Variants in PRKG1 observed in about 807,000 individuals in gnomAD.
The protein encoded by PRKG1 is cGMP-dependent protein kinase 1.
Under a neutral mutation model 88.1 loss-of-function variants are expected in PRKG1, and 35 were observed. The observed-to-expected ratio is 0.40, with a 90% CI of 0.30 to 0.53. The LOEUF (loss-of-function observed/expected upper bound fraction) is 0.53, where lower values mean the gene tolerates loss of function less well. Among genes scored for constraint, PRKG1 ranks in the 20% least tolerant of loss-of-function variants. The pLI, the probability that PRKG1 is intolerant of heterozygous loss-of-function variation, is 0.59. For missense variants in PRKG1, 540 were observed against 839.8 expected (o/e 0.64, Z 4.41); for synonymous variants, 303 against 292.5 (o/e 1.04, Z -0.37).
chr10:51,836,765 C>T (rs1840141782), intron 4 of PRKG1, among the ~76,000 whole-genome samples: 1 of 152,182 alleles, frequency 6.6e-6, no homozygotes, highest in South Asian at 2.1e-4. Flanking sequence ...AGATATTTAT[C>T]AAAAGAAGAA....
rs192714592 is a variant in PRKG1, at chr10:51,341,422, T to C, written c.479-126301T>C. Reference sequence around the variant, plus strand: ...GAGAAGTAAAGCCTGTTGTTGGGACTGTTGTTTAAATATCCTTTTCTTCTG... The same window carrying C: ...GAGAAGTAAAGCCTGTTGTTGGGACCGTTGTTTAAATATCCTTTTCTTCTG... On this transcript the variant is annotated intron_variant, in intron 2 of 17. Transcript: ENST00000373980. Among the ~76,000 whole-genome samples the C allele has an allele frequency of 1.4e-3, 217 of 152,300 alleles. 2 individuals carry two copies. The highest frequency in any genetic ancestry group is 5.0e-3 in the African/African-American group (208 of 41,562).
intron 2 of PRKG1, among the ~76,000 whole-genome samples, chr10:51,253,223 A>G (rs1477823645): frequency 6.6e-6 from 1 of 151,908 alleles, no homozygotes; most frequent in Non-Finnish European, 1.5e-5. Context: ...AGGCAAATCA[A>G]TCATTTCAGA....
At chr10:51,775,574 T>C (rs771623917) in intron 3 of PRKG1, among the ~76,000 whole-genome samples, 41 of 151,542 alleles carry the variant, frequency 2.7e-4, no homozygotes, top group Admixed American at 6.6e-5. Context: ...TTAATTATTA[T>C]TATTATTATT....
chr10:51,342,389 A>T (rs1842022153), intron 2 of PRKG1, among the ~76,000 whole-genome samples: 1 of 152,206 alleles, frequency 6.6e-6, no homozygotes, highest in African/African-American at 2.4e-5. Flanking sequence ...CTCCTTATAC[A>T]GAGAAATACC....
At chr10:51,187,014 T>C (rs893106853) in intron 2 of PRKG1, among the ~76,000 whole-genome samples, 1 of 148,242 alleles carries the variant, frequency 6.7e-6, no homozygotes, top group Non-Finnish European at 1.5e-5. Context: ...TTCCTTTTGC[T>C]TCCTTTTGGA....
At chr10:51,224,146 A>G (rs892121759) in intron 2 of PRKG1, among the ~76,000 whole-genome samples, 2 of 152,234 alleles carry the variant, frequency 1.3e-5, no homozygotes, top group African/African-American at 4.8e-5. Context: ...TAAGCCTGCC[A>G]TTGCCTTCAT....
At chr10:52,128,368 A>C in intron 7 of PRKG1, 1 of 985,380 alleles carries the variant, frequency 1.0e-6, no homozygotes, top group Non-Finnish European at 1.2e-6. Context: ...TGTTCCCCTG[A>C]GGTATCAATG....
chr10:52,283,515 GAC>G (rs539077908), intron 14 of PRKG1, among the ~76,000 whole-genome samples: 3 of 152,100 alleles, frequency 2.0e-5, no homozygotes, highest in Non-Finnish European at 4.4e-5. Flanking sequence ...CTACAACAAC[GAC>G]AGTCATTGCC....
rs375186543 is a variant in PRKG1, at chr10:52,186,008, G to A, written c.1076+24045G>A. Among the ~76,000 whole-genome samples, 9 of 143,854 alleles carry A rather than the reference G, an allele frequency of 6.3e-5. No individual in the cohort carries two copies. In the East Asian group the frequency reaches 1.2e-3, roughly 19 times the overall value. The allele number at this position is 143,854 out of a possible 152,430, so 94.4% of individuals were successfully genotyped here. ...TCCCAAAGGTCTCTGAAATGCCTTC[G>A]AGGCCTTTTGCCCATTTTTAAATAC... On this transcript the variant is annotated intron_variant, in intron 9 of 17. Transcript: ENST00000373980.
chr10:51,056,907 C>A (rs1843632107), intron 1 of PRKG1, among the ~76,000 whole-genome samples: 1 of 152,172 alleles, frequency 6.6e-6, no homozygotes, highest in Non-Finnish European at 1.5e-5. Context: ...TCCACCTATT[C>A]ACATCCTACT....
intron 3 of PRKG1, among the ~76,000 whole-genome samples, chr10:51,765,881 G>C (rs1056856536): frequency 4.0e-5 from 6 of 150,148 alleles, no homozygotes; most frequent in Admixed American, 1.3e-4. Context: ...AATATCACAG[G>C]CAGGCTGGCT....
chr10:51,157,280 C>G (rs532861335), intron 2 of PRKG1, among the ~76,000 whole-genome samples: 2 of 151,720 alleles, frequency 1.3e-5, no homozygotes, highest in African/African-American at 4.8e-5. Context: ...GTAGAAGTTT[C>G]GATTTCAAGT....
intron 5 of PRKG1, among the ~76,000 whole-genome samples, chr10:52,050,695 G>A (rs563257505): frequency 2.2e-4 from 33 of 152,206 alleles, no homozygotes; most frequent in Non-Finnish European, 4.1e-4. Flanking sequence ...ACATATGTTC[G>A]TTCAGTGAAT....
intron 9 of PRKG1, among the ~76,000 whole-genome samples, chr10:52,227,408 G>C (rs1840414199): frequency 6.6e-6 from 1 of 152,106 alleles, no homozygotes; most frequent in African/African-American, 2.4e-5. Flanking sequence ...TGCTGAACAT[G>C]TACATACTTT....
intron 7 of PRKG1, among the ~76,000 whole-genome samples, chr10:52,109,272 T>A (rs1204818550): frequency 6.6e-6 from 1 of 152,168 alleles, no homozygotes; most frequent in Non-Finnish European, 1.5e-5. Context: ...AAACATAAAA[T>A]TTGGATATAC....
At chr10:51,051,146 C>T (rs559799459) in intron 1 of PRKG1, among the ~76,000 whole-genome samples, 14 of 152,182 alleles carry the variant, frequency 9.2e-5, no homozygotes, top group African/African-American at 3.4e-4. Flanking sequence ...CTATGCTGTA[C>T]AGAAGGTATT....
rs1589752967 is a variant in PRKG1, at chr10:52,276,221, G to A, written c.1403+3740G>A. Among the ~76,000 whole-genome samples, 5 of 152,082 alleles carry A rather than the reference G, an allele frequency of 3.3e-5. No individual in the cohort carries two copies. The South Asian group carries it at 8.3e-4, about 25-fold the overall frequency. ...CTCTGGCTAGGACTTCCAGTACTGC[G>A]TTGAAGAGGAGTGGTGAGAGTGGGC... On this transcript the variant is annotated intron_variant, in intron 12 of 17. Transcript: ENST00000373980.
intron 8 of PRKG1, among the ~76,000 whole-genome samples, chr10:52,137,570 A>T (rs1261768321): frequency 6.6e-6 from 1 of 152,060 alleles, no homozygotes; most frequent in Non-Finnish European, 1.5e-5. Context: ...GAAGTCCCTC[A>T]ATATAAAATG....
At chr10:51,872,440 T>C (rs1488167958) in intron 4 of PRKG1, among the ~76,000 whole-genome samples, 2 of 152,200 alleles carry the variant, frequency 1.3e-5, no homozygotes, top group African/African-American at 4.8e-5. Context: ...TATTAGTTTT[T>C]GGTGGAGTGA....
Sources: allele counts gnomAD v4.1 joint callset (sites outside exome capture counted in the v4.1 genomes callset), GRCh38; gene constraint gnomAD v4.1.1; transcripts MANE v1.5; gene names NCBI Gene and HGNC (gene_info 2026-07-23, HGNC 2026-07-21).